TENM3: variants seen among roughly 807,000 people sequenced by gnomAD.
TENM3 encodes the protein teneurin transmembrane protein 3, also known as teneurin-3.
In TENM3, 63 loss-of-function variants were observed where a neutral mutation model predicts 255.1. The observed-to-expected ratio is 0.25, with a 90% CI of 0.20 to 0.30. TENM3 has a LOEUF of 0.30. Among genes scored for constraint, TENM3 ranks in the 10% least tolerant of loss-of-function variants. The probability of loss-of-function intolerance (pLI) is 1.00; values close to 1 mark genes in which losing one functional copy is unlikely to be tolerated. For missense variants in TENM3, 2,929 were observed against 3,461.1 expected, an observed-to-expected ratio of 0.85 and a Z score of 3.86; for synonymous variants, 1,306 against 1,322.3, an observed-to-expected ratio of 0.99 and a Z score of 0.27.
the TENM3 span, among the ~76,000 whole-genome samples, chr4:181,948,683 T>C: frequency 2.0e-5 from 3 of 152,182 alleles, no homozygotes; most frequent in Non-Finnish European, 2.9e-5. Flanking sequence ...CCCAAAGTGC[T>C]GGGATTACAG....
the TENM3 span, among the ~76,000 whole-genome samples, chr4:181,651,028 T>G: frequency 6.6e-6 from 1 of 152,206 alleles, no homozygotes; most frequent in Non-Finnish European, 1.5e-5. Flanking sequence ...CGGCCTTCTA[T>G]CAAGCATGAT....
At chr4:181,502,553 T>C in the TENM3 span, among the ~76,000 whole-genome samples, 1 of 152,200 alleles carries the variant, frequency 6.6e-6, no homozygotes, top group African/African-American at 2.4e-5. Context: ...CCTAATGGCA[T>C]CCTGTATTTG....
At chr4:182,151,752 A>G (rs958099292) in intron 1 of TENM3, among the ~76,000 whole-genome samples, 13 of 152,074 alleles carry the variant, frequency 8.5e-5, no homozygotes, top group Non-Finnish European at 1.9e-4. Flanking sequence ...AGCAAAAATG[A>G]AATGAATATT....
At chr4:181,568,044 C>T in the TENM3 span, among the ~76,000 whole-genome samples, 17 of 151,962 alleles carry the variant, frequency 1.1e-4, no homozygotes, top group South Asian at 4.2e-4. Context: ...TCTTAAAATA[C>T]GAGTTAAGGA....
the TENM3 span, among the ~76,000 whole-genome samples, chr4:182,078,619 AC>A: frequency 1.9e-4 from 29 of 152,196 alleles, no homozygotes; most frequent in African/African-American, 3.9e-4. Context: ...ACTTTTTAAA[AC>A]AATCCTTCTC....
At chr4:181,956,286 A>G in the TENM3 span, among the ~76,000 whole-genome samples, 1 of 152,190 alleles carries the variant, frequency 6.6e-6, no homozygotes, top group Non-Finnish European at 1.5e-5. Flanking sequence ...TTTTGAGGAG[A>G]CACAAATATA....
chr4:181,706,016 G>A, the TENM3 span, among the ~76,000 whole-genome samples: 33 of 152,214 alleles, frequency 2.2e-4, 1 homozygote, highest in Middle Eastern at 3.4e-3. Context: ...AATACTGGAT[G>A]GCTTAAACAA....
chr4:181,855,661 T>G, the TENM3 span, among the ~76,000 whole-genome samples: 31 of 152,232 alleles, frequency 2.0e-4, no homozygotes, highest in African/African-American at 5.5e-4. Flanking sequence ...CTAAATTCCT[T>G]GGAACATGAA....
the TENM3 span, among the ~76,000 whole-genome samples, chr4:181,920,020 G>T: frequency 6.6e-6 from 1 of 151,550 alleles, no homozygotes; most frequent in Admixed American, 6.6e-5. Context: ...TACTGAGAAT[G>T]ATGATTTCCA....
intron 4 of TENM3, among the ~76,000 whole-genome samples, chr4:182,605,914 G>A (rs958649980): frequency 7.9e-5 from 12 of 152,190 alleles, no homozygotes; most frequent in African/African-American, 2.7e-4. Flanking sequence ...AAAGAGGGAC[G>A]TGTGATTACC....
At chr4:182,379,483 A>G (rs1174303612) in intron 3 of TENM3, among the ~76,000 whole-genome samples, 2 of 152,232 alleles carry the variant, frequency 1.3e-5, no homozygotes, top group Non-Finnish European at 2.9e-5. Flanking sequence ...GTGTGTTACT[A>G]GAAAATTGTA....
the TENM3 span, among the ~76,000 whole-genome samples, chr4:181,741,000 A>G: frequency 6.6e-6 from 1 of 152,214 alleles, no homozygotes; most frequent in Non-Finnish European, 1.5e-5. Flanking sequence ...AAATTGAGAG[A>G]TATCAGAAAA....
At chr4:181,947,485 T>C in the TENM3 span, among the ~76,000 whole-genome samples, 9 of 152,328 alleles carry the variant, frequency 5.9e-5, no homozygotes, top group African/African-American at 1.7e-4. Context: ...CGTTTACTCT[T>C]TCACTAACTC....
intron 2 of TENM3, among the ~76,000 whole-genome samples, chr4:182,328,343 G>A (rs1010211094): frequency 6.6e-6 from 1 of 152,034 alleles, no homozygotes; most frequent in Non-Finnish European, 1.5e-5. Flanking sequence ...AGCTTCCCGA[G>A]TAGCTGGAAT....
chr4:182,678,052 A>G (rs1755801152), intron 7 of TENM3, among the ~76,000 whole-genome samples: 2 of 152,212 alleles, frequency 1.3e-5, no homozygotes, highest in East Asian at 1.9e-4. Context: ...TTATTTATAT[A>G]TAGTACTATG....
chr4:181,906,907 C>A, the TENM3 span, among the ~76,000 whole-genome samples: 1 of 151,980 alleles, frequency 6.6e-6, no homozygotes, highest in Admixed American at 6.6e-5. Flanking sequence ...GAGATGGAGT[C>A]TCACTATGTC....
chr4:181,989,463 T>C, the TENM3 span, among the ~76,000 whole-genome samples: 1 of 152,168 alleles, frequency 6.6e-6, no homozygotes, highest in Non-Finnish European at 1.5e-5. Flanking sequence ...AAAAAAAATC[T>C]TTAGAAATTT....
the TENM3 span, among the ~76,000 whole-genome samples, chr4:181,594,136 G>A: frequency 6.6e-6 from 1 of 151,996 alleles, no homozygotes; most frequent in East Asian, 1.9e-4. Context: ...TCTAGACTGA[G>A]AAAACATGTA....
chr4:181,502,609 T>C, the TENM3 span, among the ~76,000 whole-genome samples: 3 of 152,356 alleles, frequency 2.0e-5, no homozygotes, highest in South Asian at 6.2e-4. Flanking sequence ...AGTCTTTCCA[T>C]TGGCCAGAAC....
Sources: allele counts gnomAD v4.1 joint callset (sites outside exome capture counted in the v4.1 genomes callset), GRCh38; gene constraint gnomAD v4.1.1; transcripts MANE v1.5; gene names NCBI Gene and HGNC (gene_info 2026-07-23, HGNC 2026-07-21).